The following CFAP96 variants were observed in gnomAD, a reference collection of about 807,000 sequenced individuals.
The protein encoded by CFAP96 is cilia and flagella associated protein 96, also known as cilia-and flagella-associated protein 96.
the CFAP96 span, among the ~76,000 whole-genome samples, chr4:185,422,976 A>G: frequency 7.6e-4 from 115 of 152,316 alleles, no homozygotes; most frequent in African/African-American, 2.6e-3. Context: ...CTCCTGCCTC[A>G]GCCTCCCATG....
At chr4:185,440,580 C>T in the CFAP96 span, 4 of 1,533,920 alleles carry the variant, frequency 2.6e-6, 1 homozygote, top group East Asian at 5.1e-5. Context: ...AAAGGAGCAC[C>T]ATTTAAGTTA....
At chr4:185,430,240 T>G in the CFAP96 span, among the ~76,000 whole-genome samples, 1 of 152,166 alleles carries the variant, frequency 6.6e-6, no homozygotes, top group African/African-American at 2.4e-5. Flanking sequence ...AGAGCTAATA[T>G]ACATAAATAT....
chr4:185,449,301 G>A, the CFAP96 span, among the ~76,000 whole-genome samples: 2 of 152,024 alleles, frequency 1.3e-5, no homozygotes, highest in African/African-American at 4.8e-5. Context: ...TAGGCAGATC[G>A]CTTGAGCCCA....
the CFAP96 span, among the ~76,000 whole-genome samples, chr4:185,433,809 G>A: frequency 7.9e-5 from 12 of 152,048 alleles, no homozygotes; most frequent in Non-Finnish European, 1.5e-5. Context: ...GGCTGAGGCA[G>A]GAGAATCACT....
the CFAP96 span, among the ~76,000 whole-genome samples, chr4:185,409,171 A>G: frequency 6.6e-6 from 1 of 152,198 alleles, no homozygotes; most frequent in Non-Finnish European, 1.5e-5. Flanking sequence ...TGAAGGGTCC[A>G]TATCATGGGA....
At chr4:185,424,881 C>T in the CFAP96 span, among the ~76,000 whole-genome samples, 1 of 152,314 alleles carries the variant, frequency 6.6e-6, no homozygotes, top group Non-Finnish European at 1.5e-5. Context: ...AGACATCATT[C>T]ATAAAAGCAC....
At chr4:185,445,078 A>T in the CFAP96 span, 3 of 1,551,682 alleles carry the variant, frequency 1.9e-6, no homozygotes, top group Non-Finnish European at 2.6e-6. Flanking sequence ...CCACCCACCA[A>T]GTGGACCAAA....
the CFAP96 span, among the ~76,000 whole-genome samples, chr4:185,416,691 A>G: frequency 6.6e-6 from 1 of 152,226 alleles, no homozygotes; most frequent in Non-Finnish European, 1.5e-5. Context: ...GAGAAAGCAC[A>G]TGTTGCACCT....
chr4:185,414,066 C>T, the CFAP96 span, among the ~76,000 whole-genome samples: 1 of 151,976 alleles, frequency 6.6e-6, no homozygotes, highest in African/African-American at 2.4e-5. Context: ...TTTTCGTTTA[C>T]GTCTGTATCT....
chr4:185,415,351 TG>T, the CFAP96 span: 1 of 1,566,736 alleles, frequency 6.4e-7, no homozygotes. Flanking sequence ...ACGAACTCTG[TG>T]GGGGGAAATA....
chr4:185,422,084 A>G, the CFAP96 span, among the ~76,000 whole-genome samples: 1 of 152,322 alleles, frequency 6.6e-6, no homozygotes, highest in Non-Finnish European at 1.5e-5. Flanking sequence ...TTTCTTCCAT[A>G]GAGTTCTTGT....
the CFAP96 span, among the ~76,000 whole-genome samples, chr4:185,447,913 T>C: frequency 2.0e-5 from 3 of 152,234 alleles, no homozygotes; most frequent in Admixed American, 6.5e-5. Context: ...GTGAAATGAA[T>C]AGTCCTTCTT....
At chr4:185,429,258 A>G in the CFAP96 span, 1 of 499,134 alleles carries the variant, frequency 2.0e-6, no homozygotes, top group African/African-American at 2.0e-5. Context: ...TCAGACTGAA[A>G]GTAATTAGAA....
the CFAP96 span, chr4:185,436,380 G>A: frequency 2.0e-6 from 3 of 1,475,374 alleles, no homozygotes; most frequent in Non-Finnish European, 2.8e-6. Context: ...TGTTTTGAAT[G>A]TTTCAACCTT....
chr4:185,422,228 T>C, the CFAP96 span, among the ~76,000 whole-genome samples: 1,703 of 152,316 alleles, frequency 0.011, 29 homozygotes, highest in African/African-American at 0.039. Context: ...TTTACATTTA[T>C]TGTAACAATT....
the CFAP96 span, among the ~76,000 whole-genome samples, chr4:185,421,163 A>G: frequency 6.6e-6 from 1 of 152,216 alleles, no homozygotes; most frequent in South Asian, 2.1e-4. Flanking sequence ...ATGTAGTTTA[A>G]TGTAGTCTGG....
the CFAP96 span, among the ~76,000 whole-genome samples, chr4:185,412,852 G>A: frequency 4.3e-3 from 649 of 152,250 alleles, 5 homozygotes; most frequent in African/African-American, 0.015. Context: ...AATCTTGGAT[G>A]CCTTATAAGG....
At chr4:185,440,515 T>G in the CFAP96 span, 13 of 1,432,650 alleles carry the variant, frequency 9.1e-6, no homozygotes, top group Admixed American at 3.0e-5. Flanking sequence ...TTGTGCTATG[T>G]AATTTCAAAC....
chr4:185,428,256 T>TA, the CFAP96 span, among the ~76,000 whole-genome samples: 3 of 151,484 alleles, frequency 2.0e-5, no homozygotes, highest in African/African-American at 7.3e-5. Flanking sequence ...TCTTCCTTTT[T>TA]AAAAATAACA....
Sources: allele counts gnomAD v4.1 joint callset (sites outside exome capture counted in the v4.1 genomes callset), GRCh38; gene constraint gnomAD v4.1.1; transcripts MANE v1.5; gene names NCBI Gene and HGNC (gene_info 2026-07-23, HGNC 2026-07-21).